The following PSD3 variants were observed in gnomAD, a reference collection of about 807,000 sequenced individuals.
The protein encoded by PSD3 is PH and SEC7 domain-containing protein 3.
PSD3 carries 49 observed loss-of-function variants against 105.5 expected under a neutral mutation model. That is an observed-to-expected ratio of 0.46 (90% confidence interval 0.37 to 0.59). PSD3 has a LOEUF of 0.59. PSD3 is among the 20% of genes least tolerant of loss of function. PSD3 has a pLI of 0.00. For missense variants in PSD3, 1,561 were observed against 1,263.8 expected (o/e 1.24, Z -3.57); for synonymous variants, 557 against 457.8 (o/e 1.22, Z -2.77).
At chr8:18,736,452 T>G (rs1409048889) in intron 9 of PSD3, among the ~76,000 whole-genome samples, 1 of 152,214 alleles carries the variant, frequency 6.6e-6, no homozygotes, top group Non-Finnish European at 1.5e-5. Flanking sequence ...TTAGTATACA[T>G]ATTTATAGAC....
chr8:19,082,171 C>T (rs1302702407), intron 1 of PSD3, among the ~76,000 whole-genome samples: 2 of 152,170 alleles, frequency 1.3e-5, no homozygotes, highest in Admixed American at 6.5e-5. Context: ...TTGTTTAACA[C>T]CCAACCCTGG....
chr8:19,025,998 G>A (rs1563516605), intron 1 of PSD3, among the ~76,000 whole-genome samples: 1 of 152,172 alleles, frequency 6.6e-6, no homozygotes, highest in Admixed American at 6.5e-5. Flanking sequence ...GGCAGAAGAC[G>A]AAGGAGAAAC....
intron 12 of PSD3, among the ~76,000 whole-genome samples, chr8:18,595,114 G>C (rs758516985): frequency 2.6e-5 from 4 of 151,818 alleles, no homozygotes; most frequent in Non-Finnish European, 5.9e-5. Context: ...GATATAATTT[G>C]TGACGGAGTA....
intron 2 of PSD3, among the ~76,000 whole-genome samples, chr8:18,894,837 C>A (rs560868411): frequency 4.9e-4 from 74 of 152,240 alleles, no homozygotes; most frequent in African/African-American, 1.8e-3. Flanking sequence ...GCTCACTTTG[C>A]GGGAAGGTCT....
At chr8:18,755,320 C>T (rs149174478) in intron 9 of PSD3, among the ~76,000 whole-genome samples, 1 of 152,076 alleles carries the variant, frequency 6.6e-6, no homozygotes, top group Non-Finnish European at 1.5e-5. Flanking sequence ...ATCTCAGCTA[C>T]TTGGGAGGCT....
intron 1 of PSD3, among the ~76,000 whole-genome samples, chr8:18,992,141 C>A (rs1209265487): frequency 1.3e-5 from 2 of 152,072 alleles, no homozygotes; most frequent in Admixed American, 6.6e-5. Flanking sequence ...GAAAAAGTTT[C>A]AGGCTTTATT....
rs1316473808 is a variant in PSD3, at chr8:18,936,111, G to C, written c.53C>G (p.Ser18Cys). 1.2e-6 allele frequency: 2 copies of C among 1,612,892 alleles called. No homozygotes were observed. Among genetic ancestry groups the C allele is most frequent in the African/African-American group, 1.3e-5 (1 of 74,918 alleles). ...AETFVWVNNA[S>C]AHSQSVAKAK... ...CTTGGCAACACTCTGGGAATGTGCA[G>C]ATGCATTGTTCACCCAAACAAATGT... The change falls in exon 2 of 16, where the codon TCT becomes TGT. Residue 18 changes from serine (S) to cysteine (C), a missense_variant. Transcript: ENST00000327040.
chr8:18,688,371 A>T (rs1800782811), intron 9 of PSD3, among the ~76,000 whole-genome samples: 1 of 152,186 alleles, frequency 6.6e-6, no homozygotes, highest in Admixed American at 6.5e-5. Context: ...TGCTGGGATT[A>T]TGGGCGTGAG....
At chr8:19,035,422 T>C (rs1047208411) in intron 1 of PSD3, among the ~76,000 whole-genome samples, 37 of 152,222 alleles carry the variant, frequency 2.4e-4, no homozygotes, top group Admixed American at 1.8e-3. Context: ...GCTAGTGTTA[T>C]CATAAATGGC....
intron 9 of PSD3, among the ~76,000 whole-genome samples, chr8:18,741,702 G>A (rs751686092): frequency 4.0e-5 from 6 of 150,322 alleles, no homozygotes; most frequent in Non-Finnish European, 5.9e-5. Context: ...GCGGCATGCT[G>A]CATTTTGGGA....
chr8:18,592,370 G>A lies in PSD3; in HGVS notation c.2481+7994C>T, dbSNP rs139692663. 7.2e-5 allele frequency among the ~76,000 whole-genome samples: 11 copies of A among 152,168 alleles called. No homozygotes were observed. The East Asian group carries it at 1.9e-3, about 27-fold the overall frequency. On this transcript the variant is annotated intron_variant, in intron 12 of 15. Coordinates refer to ENST00000327040, the MANE Select transcript of PSD3 (RefSeq NM_015310.4). ...ATAAGAATGAAAAAGAGTTAAGAGA[G>A]CCTTATACACATCATTATGCAGACC...
chr8:18,772,934 C>T (rs1807678864), intron 8 of PSD3, among the ~76,000 whole-genome samples: 1 of 152,176 alleles, frequency 6.6e-6, no homozygotes, highest in Non-Finnish European at 1.5e-5. Context: ...CCGATATTAA[C>T]TCCTTATAGG....
intron 14 of PSD3, among the ~76,000 whole-genome samples, chr8:18,564,275 G>T (rs150196253): frequency 6.6e-6 from 1 of 152,302 alleles, no homozygotes; most frequent in African/African-American, 2.4e-5. Flanking sequence ...AGTCAAAAAA[G>T]TGAGTAGACC....
chr8:18,718,556 G>A (rs1308442264), intron 9 of PSD3, among the ~76,000 whole-genome samples: 1 of 152,142 alleles, frequency 6.6e-6, no homozygotes, highest in African/African-American at 2.4e-5. Flanking sequence ...TTACAGATTT[G>A]CTAAAACAAA....
At chr8:19,083,488 T>C (rs1025368482) in intron 1 of PSD3, among the ~76,000 whole-genome samples, 1 of 152,194 alleles carries the variant, frequency 6.6e-6, no homozygotes, top group Non-Finnish European at 1.5e-5. Context: ...AGGGCTGCCT[T>C]TCCCTTCCTG....
chr8:18,776,351 A>AAT (rs1019103225), intron 8 of PSD3, among the ~76,000 whole-genome samples: 2 of 146,036 alleles, frequency 1.4e-5, no homozygotes, highest in African/African-American at 5.0e-5. Context: ...ATAGTATAAA[A>AAT]ATATATATAT....
At chr8:19,071,676 C>T (rs1829268359) in intron 1 of PSD3, among the ~76,000 whole-genome samples, 1 of 151,942 alleles carries the variant, frequency 6.6e-6, no homozygotes, top group African/African-American at 2.4e-5. Flanking sequence ...TAGAGTTAGT[C>T]AGAATTTTAC....
Position 19,028,753 on chromosome 8 carries a change from C to T in PSD3, c.324+55453G>A, listed in dbSNP as rs189333193. Reference sequence around the variant, plus strand: ...TATGTTGTGTCCTGAGATATCTTTCCCTAATGTCATGCCACAAAGATTTTC... The same window carrying T: ...TATGTTGTGTCCTGAGATATCTTTCTCTAATGTCATGCCACAAAGATTTTC... On this transcript the variant is annotated intron_variant, in intron 1 of 1. Transcript: ENST00000521475. 2.9e-3 allele frequency among the ~76,000 whole-genome samples: 445 copies of T among 152,174 alleles called. 1 individual carries two copies. The highest frequency in any genetic ancestry group is 4.3e-3 in the Admixed American group (66 of 15,282).
At chr8:18,835,487 C>G (rs575127083) in intron 4 of PSD3, among the ~76,000 whole-genome samples, 1 of 152,120 alleles carries the variant, frequency 6.6e-6, no homozygotes, top group Non-Finnish European at 1.5e-5. Context: ...TCAGGAGTGA[C>G]CAAAACAAGA....
Sources: allele counts gnomAD v4.1 joint callset (sites outside exome capture counted in the v4.1 genomes callset), GRCh38; gene constraint gnomAD v4.1.1; transcripts MANE v1.5; gene names NCBI Gene and HGNC (gene_info 2026-07-23, HGNC 2026-07-21).